The following SUGCT variants were observed in gnomAD, a reference collection of about 807,000 sequenced individuals.
The protein encoded by SUGCT is succinyl-CoA:glutarate CoA-transferase.
Under a neutral mutation model 55.0 loss-of-function variants are expected in SUGCT, and 41 were observed. The ratio of observed to expected loss-of-function variants is 0.74; its 90% confidence interval spans 0.58 to 0.97. SUGCT has a LOEUF of 0.97. Among genes scored for constraint, SUGCT ranks in the 50% least tolerant of loss-of-function variants. SUGCT has a pLI of 0.00. For synonymous variants in SUGCT, 187 were observed against 200.4 expected (o/e 0.93, Z 0.56); for missense variants, 568 against 547.8 (o/e 1.04, Z -0.37).
At chr7:40,406,239 G>T (rs945989802) in intron 9 of SUGCT, among the ~76,000 whole-genome samples, 1 of 152,066 alleles carries the variant, frequency 6.6e-6, no homozygotes, top group African/African-American at 2.4e-5. Context: ...AGAATGCAGG[G>T]TCTGAGAAAT....
the SUGCT span, among the ~76,000 whole-genome samples, chr7:40,980,366 GC>G: frequency 6.6e-6 from 1 of 151,894 alleles, no homozygotes; most frequent in African/African-American, 2.4e-5. Flanking sequence ...CATCCCTTTT[GC>G]CCCCCCAAAT....
the SUGCT span, among the ~76,000 whole-genome samples, chr7:40,912,839 A>G: frequency 2.7e-5 from 4 of 150,514 alleles, no homozygotes; most frequent in Admixed American, 6.6e-5. Context: ...AGTTTTCACA[A>G]TAGAATGCTA....
chr7:40,597,467 A>T (rs151269666), intron 12 of SUGCT, among the ~76,000 whole-genome samples: 2,900 of 152,300 alleles, frequency 0.019, 38 homozygotes, highest in South Asian at 0.053. Context: ...TTGAGGTACA[A>T]ATAAGGTCAT....
chr7:40,830,491 C>CTTT (rs1563033375), intron 13 of SUGCT, among the ~76,000 whole-genome samples: 3 of 152,148 alleles, frequency 2.0e-5, no homozygotes, highest in Non-Finnish European at 2.9e-5. Flanking sequence ...TGATTATTCC[C>CTTT]TCTTCTTAGA....
chr7:40,393,488 A>T (rs1785552754), intron 9 of SUGCT, among the ~76,000 whole-genome samples: 1 of 152,180 alleles, frequency 6.6e-6, no homozygotes, highest in Non-Finnish European at 1.5e-5. Flanking sequence ...TGAGGCAGCA[A>T]GTAGGGAATC....
At chr7:40,919,515 C>T in the SUGCT span, among the ~76,000 whole-genome samples, 16 of 152,282 alleles carry the variant, frequency 1.1e-4, no homozygotes, top group Non-Finnish European at 1.3e-4. Flanking sequence ...AGTGTTGTAA[C>T]GACTGATTGA....
the SUGCT span, among the ~76,000 whole-genome samples, chr7:40,933,644 C>G: frequency 3.3e-5 from 5 of 152,018 alleles, no homozygotes; most frequent in Non-Finnish European, 5.9e-5. Context: ...TTTTACTCTT[C>G]TTTGTCTAAA....
At chr7:40,810,464 G>A (rs1305811194) in intron 13 of SUGCT, among the ~76,000 whole-genome samples, 1 of 152,114 alleles carries the variant, frequency 6.6e-6, no homozygotes, top group Non-Finnish European at 1.5e-5. Flanking sequence ...CATTCTGACT[G>A]GTGTGAGATA....
intron 13 of SUGCT, among the ~76,000 whole-genome samples, chr7:40,804,727 G>A (rs1003132132): frequency 1.3e-5 from 2 of 152,126 alleles, no homozygotes; most frequent in African/African-American, 4.8e-5. Flanking sequence ...CTTCCCATAG[G>A]TAAACACTGA....
At chr7:40,579,420 G>A (rs970450400) in intron 12 of SUGCT, among the ~76,000 whole-genome samples, 1 of 152,122 alleles carries the variant, frequency 6.6e-6, no homozygotes, top group Admixed American at 6.5e-5. Context: ...AGACAATGCA[G>A]CTTTCACCCC....
intron 12 of SUGCT, among the ~76,000 whole-genome samples, chr7:40,657,475 C>A (rs535137788): frequency 4.0e-5 from 6 of 151,802 alleles, no homozygotes; most frequent in South Asian, 4.2e-4. Flanking sequence ...TCAGTCAGGC[C>A]CTGTAACATT....
At chr7:40,728,504 GGAGA>G (rs1194564677) in intron 12 of SUGCT, among the ~76,000 whole-genome samples, 1 of 151,806 alleles carries the variant, frequency 6.6e-6, no homozygotes, top group Non-Finnish European at 1.5e-5. Flanking sequence ...GGCAACAGAG[GGAGA>G]CTCAGTCTCA....
chr7:40,715,944 T>C (rs1320604047), intron 12 of SUGCT, among the ~76,000 whole-genome samples: 3 of 152,200 alleles, frequency 2.0e-5, no homozygotes, highest in African/African-American at 7.2e-5. Flanking sequence ...TTGTAGCGCT[T>C]GTTATTGACT....
chr7:40,308,936 G>A (rs1794987374), intron 8 of SUGCT, among the ~76,000 whole-genome samples: 1 of 152,196 alleles, frequency 6.6e-6, no homozygotes, highest in African/African-American at 2.4e-5. Flanking sequence ...CTTGAACTTG[G>A]TAGGTGGAGG....
the SUGCT span, among the ~76,000 whole-genome samples, chr7:40,915,522 C>T: frequency 6.6e-6 from 1 of 152,094 alleles, no homozygotes; most frequent in Non-Finnish European, 1.5e-5. Flanking sequence ...CAAAAACAGG[C>T]TAATAATGGG....
intron 12 of SUGCT, among the ~76,000 whole-genome samples, chr7:40,691,396 C>G (rs546732610): frequency 1.3e-5 from 2 of 151,860 alleles, no homozygotes; most frequent in Admixed American, 6.6e-5. Flanking sequence ...ATATTTCTTA[C>G]TGATCATGAG....
Position 40,176,246 on chromosome 7 carries a change from T to C in SUGCT, c.101-4701T>C, listed in dbSNP as rs112578814. Among the ~76,000 whole-genome samples, 501 of 151,104 alleles carry C rather than the reference T, an allele frequency of 3.3e-3. 6 individuals are homozygous for C. The highest frequency in any genetic ancestry group is 0.011 in the African/African-American group (452 of 41,088). ...CAAAAGAAAAAAAAAAAAAATTTAG[T>C]GAGTAGTCAAATTCCCAAATACAGA... On this transcript the variant is annotated intron_variant, in intron 1 of 13. Transcript: ENST00000335693.
At chr7:40,854,422 T>TCC (rs1468915253) in intron 13 of SUGCT, among the ~76,000 whole-genome samples, 1 of 115,692 alleles carries the variant, frequency 8.6e-6, no homozygotes, top group East Asian at 2.1e-4. Context: ...TTTCTTTCCT[T>TCC]TCTTTCTTTC....
At chr7:40,637,999 A>G (rs905961454) in intron 12 of SUGCT, among the ~76,000 whole-genome samples, 26 of 152,206 alleles carry the variant, frequency 1.7e-4, no homozygotes, top group Admixed American at 1.4e-3. Context: ...AGAAGAGGCT[A>G]TAGGGTGTGT....
Sources: allele counts gnomAD v4.1 joint callset (sites outside exome capture counted in the v4.1 genomes callset), GRCh38; gene constraint gnomAD v4.1.1; transcripts MANE v1.5; gene names NCBI Gene and HGNC (gene_info 2026-07-23, HGNC 2026-07-21).